The following IGSF11 variants were observed in gnomAD, a reference collection of about 807,000 sequenced individuals.
IGSF11 encodes immunoglobulin superfamily member 11.
IGSF11 carries 22 observed loss-of-function variants against 41.0 expected under a neutral mutation model. The ratio of observed to expected loss-of-function variants is 0.54; its 90% confidence interval spans 0.38 to 0.77. The LOEUF (loss-of-function observed/expected upper bound fraction) is 0.77, where lower values mean the gene tolerates loss of function less well. Ranked by LOEUF, IGSF11 falls within the 30% of genes least tolerant of loss-of-function variation. The pLI is 0.00. For synonymous variants in IGSF11, 219 were observed against 201.3 expected (o/e 1.09, Z -0.74); for missense variants, 444 against 530.8 (o/e 0.84, Z 1.61).
At chr3:119,065,433 G>A (rs1362199240) in intron 1 of IGSF11, among the ~76,000 whole-genome samples, 2 of 152,008 alleles carry the variant, frequency 1.3e-5, no homozygotes, top group Non-Finnish European at 2.9e-5. Context: ...ACAGTGGTCT[G>A]TAATTTTTTT....
At chr3:118,991,404 G>A (rs1295953218) in intron 1 of IGSF11, among the ~76,000 whole-genome samples, 1 of 152,154 alleles carries the variant, frequency 6.6e-6, no homozygotes, top group Admixed American at 6.5e-5. Context: ...TATGTAACAG[G>A]CTTAGTTTTA....
intron 4 of IGSF11, among the ~76,000 whole-genome samples, chr3:118,920,291 C>T (rs1303672569): frequency 1.3e-5 from 2 of 149,402 alleles, no homozygotes; most frequent in East Asian, 2.0e-4. Context: ...AGACATGATA[C>T]AAGATGATTT....
chr3:118,929,545 T>G (rs1490639286), intron 2 of IGSF11, among the ~76,000 whole-genome samples: 1 of 152,228 alleles, frequency 6.6e-6, no homozygotes, highest in Non-Finnish European at 1.5e-5. Flanking sequence ...TTCCTGAGCA[T>G]TATTTTCTGC....
At chr3:118,953,493 G>A (rs928540437) in intron 1 of IGSF11, among the ~76,000 whole-genome samples, 1 of 152,138 alleles carries the variant, frequency 6.6e-6, no homozygotes, top group African/African-American at 2.4e-5. Flanking sequence ...TTTCCATAGT[G>A]GTTGTACTAG....
At chr3:118,916,081 T>A (rs1184298651) in intron 4 of IGSF11, among the ~76,000 whole-genome samples, 1 of 149,948 alleles carries the variant, frequency 6.7e-6, no homozygotes, top group Middle Eastern at 3.2e-3. Context: ...CCACCAAGCC[T>A]GCCCTAAAAG....
At chr3:119,089,827 C>A (rs1421819859) in intron 1 of IGSF11, among the ~76,000 whole-genome samples, 1 of 152,124 alleles carries the variant, frequency 6.6e-6, no homozygotes, top group Non-Finnish European at 1.5e-5. Flanking sequence ...GAGTTCGAGA[C>A]CAGCCCGGCC....
chr3:118,962,327 C>A (rs765034527), intron 1 of IGSF11, among the ~76,000 whole-genome samples: 21 of 151,868 alleles, frequency 1.4e-4, no homozygotes, highest in Non-Finnish European at 2.5e-4. Context: ...CCTTTTTGTA[C>A]TATAATACTT....
chr3:118,927,822 A>T (rs1942461303), intron 3 of IGSF11, among the ~76,000 whole-genome samples: 1 of 152,230 alleles, frequency 6.6e-6, no homozygotes, highest in African/African-American at 2.4e-5. Context: ...GAATTGAAAA[A>T]TAAAACATGC....
At chr3:118,967,050 T>C (rs1303567590) in intron 1 of IGSF11, among the ~76,000 whole-genome samples, 4 of 152,100 alleles carry the variant, frequency 2.6e-5, no homozygotes, top group East Asian at 1.9e-4. Flanking sequence ...ACTCAGAATT[T>C]TGAAGGAGGG....
At chr3:119,039,284 C>T (rs1941026258), upstream of IGSF11, among the ~76,000 whole-genome samples, 1 of 152,206 alleles carries the variant, frequency 6.6e-6, no homozygotes, top group Non-Finnish European at 1.5e-5. Flanking sequence ...GTGTTCCTTT[C>T]TGGAGGTTCC....
chr3:119,099,982 C>T (rs555159313), intron 1 of IGSF11, among the ~76,000 whole-genome samples: 5 of 151,672 alleles, frequency 3.3e-5, no homozygotes, highest in South Asian at 2.1e-4. Context: ...AGTGAGGATA[C>T]GCTGGGCAAA....
intron 1 of IGSF11, among the ~76,000 whole-genome samples, chr3:119,103,448 TG>T (rs2076970854): frequency 6.6e-6 from 1 of 152,090 alleles, no homozygotes; most frequent in Non-Finnish European, 1.5e-5. Flanking sequence ...CATGTTTGAA[TG>T]TGATGAGTTT....
intron 1 of IGSF11, among the ~76,000 whole-genome samples, chr3:119,046,197 A>C (rs1434148370): frequency 6.7e-6 from 1 of 150,222 alleles, no homozygotes; most frequent in African/African-American, 2.5e-5. Flanking sequence ...AATTACTCTG[A>C]GCTACGGGAG....
chr3:119,028,207 C>T (rs544468203), intron 1 of IGSF11, among the ~76,000 whole-genome samples: 1 of 152,090 alleles, frequency 6.6e-6, no homozygotes, highest in East Asian at 1.9e-4. Context: ...GAGTGTGGTC[C>T]ATAAGGGTAT....
chr3:118,942,217 T>C lies in IGSF11; in HGVS notation c.53-11942A>G, dbSNP rs913487475. On this transcript the variant is annotated intron_variant, in intron 1 of 6. Transcript: ENST00000393775. ...CATGGAAATGGCTTGAAAAACAAAT[T>C]AAGGGCTAATCTTCCAGGAAAACAT... Among the ~76,000 whole-genome samples the C allele has an allele frequency of 7.9e-5, 12 of 152,284 alleles. 1 individual carries two copies. In the South Asian group the frequency reaches 1.5e-3, roughly 18 times the overall value.
intron 1 of IGSF11, among the ~76,000 whole-genome samples, chr3:119,048,314 A>G (rs1479491911): frequency 6.6e-6 from 1 of 151,970 alleles, no homozygotes; most frequent in Non-Finnish European, 1.5e-5. Context: ...GATAAAGGGG[A>G]TATCACCACC....
chr3:119,056,341 C>T (rs2107444629), intron 1 of IGSF11, among the ~76,000 whole-genome samples: 1 of 152,270 alleles, frequency 6.6e-6, no homozygotes, highest in Admixed American at 6.5e-5. Flanking sequence ...ATACTATAAA[C>T]ACCTCTATGC....
At chr3:119,030,810 A>C (rs1329089823) in intron 1 of IGSF11, among the ~76,000 whole-genome samples, 2 of 152,188 alleles carry the variant, frequency 1.3e-5, no homozygotes, top group Non-Finnish European at 2.9e-5. Flanking sequence ...CCAAACAAAG[A>C]AAGTTGAGAT....
At chr3:118,973,425 A>G (rs1021926262) in intron 1 of IGSF11, among the ~76,000 whole-genome samples, 3 of 152,232 alleles carry the variant, frequency 2.0e-5, no homozygotes, top group East Asian at 3.8e-4. Flanking sequence ...TGGTGACACC[A>G]GGGCTTTGAA....
Sources: allele counts gnomAD v4.1 joint callset (sites outside exome capture counted in the v4.1 genomes callset), GRCh38; gene constraint gnomAD v4.1.1; transcripts MANE v1.5; gene names NCBI Gene and HGNC (gene_info 2026-07-23, HGNC 2026-07-21).